Variants in CBL observed in about 807,000 individuals in gnomAD.
CBL encodes the protein E3 ubiquitin-protein ligase CBL.
Under a neutral mutation model 96.9 loss-of-function variants are expected in CBL, and 45 were observed. That is an observed-to-expected ratio of 0.46 (90% CI 0.37 to 0.60). CBL has a LOEUF of 0.60. Among genes scored for constraint, CBL ranks in the 20% least tolerant of loss-of-function variants. The probability of loss-of-function intolerance (pLI) is 0.00; values close to 1 mark genes in which losing one functional copy is unlikely to be tolerated. For missense variants in CBL, 1,024 were observed against 1,143.5 expected (o/e 0.90, Z 1.51); for synonymous variants, 420 against 426.8 (o/e 0.98, Z 0.20).
intron 1 of CBL, among the ~76,000 whole-genome samples, chr11:119,222,215 A>C (rs1386042403): frequency 6.6e-6 from 1 of 152,236 alleles, no homozygotes; most frequent in Non-Finnish European, 1.5e-5. Flanking sequence ...TTTCTGCCTA[A>C]TTAGAAACAC....
At chr11:119,211,604 A>G (rs1021060783) in intron 1 of CBL, among the ~76,000 whole-genome samples, 3 of 151,180 alleles carry the variant, frequency 2.0e-5, no homozygotes, top group Non-Finnish European at 4.4e-5. Flanking sequence ...CCTGGGTTCA[A>G]GCAATTCTCT....
Position 119,206,370 on chromosome 11 carries a change from G to GTCTCCC in CBL, c.-46_-45insTCCCTC. 7.1e-7 allele frequency: 1 copy of GTCTCCC among 1,413,028 alleles called. No homozygotes were observed. The highest frequency in any genetic ancestry group is 9.3e-7 in the Non-Finnish European group (1 of 1,069,876). 87.5% of individuals were successfully genotyped at this position (1,413,028 alleles called of 1,614,324 possible). On this transcript the variant is annotated 5_prime_UTR_variant, in exon 1 of 16. Coordinates refer to ENST00000264033, the MANE Select transcript of CBL (RefSeq NM_005188.4). Reference sequence around the variant, plus strand: ...GCCCTGCTTCTCTCCCTCGCTCGCAGTCGAGCCGAGCCGGCGGACCCGCCT... The same window carrying GTCTCCC: ...GCCCTGCTTCTCTCCCTCGCTCGCAGTCTCCCTCGAGCCGAGCCGGCGGACCCGCCT...
At chr11:119,210,578 G>A (rs1032781688) in intron 1 of CBL, among the ~76,000 whole-genome samples, 1 of 148,344 alleles carries the variant, frequency 6.7e-6, no homozygotes, top group East Asian at 2.0e-4. Flanking sequence ...ATAGGCATGC[G>A]CCACCACACC....
At chr11:119,239,096 A>G (rs1211829253) in intron 2 of CBL, among the ~76,000 whole-genome samples, 3 of 151,966 alleles carry the variant, frequency 2.0e-5, no homozygotes, top group Non-Finnish European at 4.4e-5. Context: ...CAGTCTCCCT[A>G]GTAGCTGGGA....
At chr11:119,232,805 G>A (rs1434377797) in intron 2 of CBL, 110 bp downstream of exon 2, 1 of 1,071,792 alleles carries the variant, frequency 9.3e-7, no homozygotes, top group Non-Finnish European at 1.4e-6. Context: ...GGAATGGAAA[G>A]TTGACATTTG....
Position 119,232,709 on chromosome 11 carries a change from A to T in CBL, c.443+14A>T. On this transcript the variant is annotated intron_variant, in intron 2 of 15. Coordinates refer to ENST00000264033, the MANE Select transcript of CBL (RefSeq NM_005188.4). The stretch of plus-strand genomic sequence containing the variant: ...TTCTCAGCCTAGGTAATGGAGAAAT[A>T]CTACACAAATAATTATGCAGGTCTG... The T allele has an allele frequency of 6.2e-7, 1 of 1,611,440 alleles. No homozygotes were observed. The highest frequency in any genetic ancestry group is 8.5e-7 in the Non-Finnish European group (1 of 1,179,224).
chr11:119,209,011 G>A (rs1187042414), intron 1 of CBL, among the ~76,000 whole-genome samples: 2 of 151,930 alleles, frequency 1.3e-5, no homozygotes, highest in Non-Finnish European at 2.9e-5. Flanking sequence ...TACTTGCCTC[G>A]GAAGTTGATT....
intron 2 of CBL, among the ~76,000 whole-genome samples, chr11:119,268,932 A>G (rs1172922919): frequency 6.6e-6 from 1 of 152,194 alleles, no homozygotes; most frequent in Non-Finnish European, 1.5e-5. Context: ...CTTCACACAC[A>G]TAGTAGGTTC....
chr11:119,229,923 T>C (rs1949488463), intron 1 of CBL, among the ~76,000 whole-genome samples: 1 of 151,726 alleles, frequency 6.6e-6, no homozygotes, highest in Admixed American at 6.6e-5. Flanking sequence ...TCATTAGTCA[T>C]TAAACAGGAA....
At chr11:119,245,110 G>T (rs2135275459) in intron 2 of CBL, among the ~76,000 whole-genome samples, 1 of 150,614 alleles carries the variant, frequency 6.6e-6, no homozygotes, top group Admixed American at 6.6e-5. Context: ...GGCCTCAAGT[G>T]ATTCTCCCAC....
At chr11:119,213,613 G>GT (rs1045262576) in intron 1 of CBL, among the ~76,000 whole-genome samples, 16 of 151,818 alleles carry the variant, frequency 1.1e-4, no homozygotes, top group African/African-American at 3.4e-4. Flanking sequence ...TTTTGGTTTT[G>GT]TTTTTTTTAA....
In CBL at chr11:119,307,392, T is replaced by G. The variant is rs149079120; in HGVS notation, c.*7611T>G. The stretch of plus-strand genomic sequence containing the variant: ...GAAGGGGAGGTTGGTGGCTTTGTCT[T>G]TTCTTTTTGCTGGATCCTGAACTGG... On this transcript the variant is annotated 3_prime_UTR_variant, in exon 16 of 16. Coordinates refer to ENST00000264033, the MANE Select transcript of CBL (RefSeq NM_005188.4). The G allele has an allele frequency of 8.6e-6, 2 of 233,158 alleles. No homozygotes were observed. The highest frequency in any genetic ancestry group is 1.7e-5 in the Non-Finnish European group (2 of 117,740). The allele number at this position is 233,158 out of a possible 1,614,324, so 14.4% of individuals were successfully genotyped here.
chr11:119,262,824 A>G (rs1403944942), intron 2 of CBL, among the ~76,000 whole-genome samples: 1 of 152,148 alleles, frequency 6.6e-6, no homozygotes, highest in Non-Finnish European at 1.5e-5. Context: ...TAGACTGGAG[A>G]GTCCTCCCCA....
In CBL at chr11:119,299,618, C is replaced by T; in HGVS notation, c.2558C>T (p.Ala853Val). 1 of 1,614,206 alleles carries T rather than the reference C, an allele frequency of 6.2e-7. No individual in the cohort carries two copies. ...GSGPAASAAT[A>V]SPQLSSEIEN... ...GGTCCTGCCGCCTCTGCTGCCACCGCCTCACCTCAGCTCTCCAGTGAGATC... is the reference window on the plus strand; with the variant it reads ...GGTCCTGCCGCCTCTGCTGCCACCGTCTCACCTCAGCTCTCCAGTGAGATC... The change falls in exon 16 of 16, where the codon GCC (alanine) becomes GTC (valine). Residue 853 changes from alanine (A) to valine (V), a missense_variant. This residue lies in a region of CBL where 695 missense variants were observed against 661.6 expected (regional missense o/e 1.05). Coordinates refer to ENST00000264033, the MANE Select transcript of CBL (RefSeq NM_005188.4).
Position 119,241,276 on chromosome 11 carries a change from TG to T in CBL, c.443+8582del, listed in dbSNP as rs544772717. Among the ~76,000 whole-genome samples the T allele has an allele frequency of 6.6e-5, 10 of 152,318 alleles. No individual in the cohort carries two copies. The South Asian group carries it at 1.9e-3, about 28-fold the overall frequency. ...TTTTGCCTTTGATCTTTCTGGGTTTTGCACCTGTTTTCATTTGTGTACAGGA... is the reference window on the plus strand; with the variant it reads ...TTTTGCCTTTGATCTTTCTGGGTTTTCACCTGTTTTCATTTGTGTACAGGA... On this transcript the variant is annotated intron_variant, in intron 2 of 15. Coordinates refer to ENST00000264033, the MANE Select transcript of CBL (RefSeq NM_005188.4).
chr11:119,298,201 C>T (rs546652776), intron 14 of CBL, among the ~76,000 whole-genome samples, 157 bp from the exon 15 acceptor site: 5 of 152,322 alleles, frequency 3.3e-5, no homozygotes, highest in African/African-American at 1.2e-4. Flanking sequence ...CTATTTTTAT[C>T]TCTGTTTACA....
rs78295830 is a variant in CBL, at chr11:119,228,826, T to G, written c.196-3622T>G. ...TCTCTCTCTCTCTCTTTTTTTTTTT[T>G]GGAGACGTGGTTTCGCTCTTGTCCC... On this transcript the variant is annotated intron_variant, in intron 1 of 15. Coordinates refer to ENST00000264033, the MANE Select transcript of CBL (RefSeq NM_005188.4). Among the ~76,000 whole-genome samples the G allele has an allele frequency of 5.2e-4, 78 of 150,428 alleles. 1 individual carries two copies. The East Asian group carries it at 0.012, about 23-fold the overall frequency.
At chr11:119,238,896 T>C (rs1268447757) in intron 2 of CBL, among the ~76,000 whole-genome samples, 1 of 152,208 alleles carries the variant, frequency 6.6e-6, no homozygotes, top group Admixed American at 6.5e-5. Flanking sequence ...TTTTGGGGAT[T>C]ACTGCCATCT....
intron 2 of CBL, among the ~76,000 whole-genome samples, chr11:119,252,884 G>GAA (rs760152540): frequency 2.9e-5 from 2 of 68,578 alleles, no homozygotes; most frequent in Non-Finnish European, 3.2e-5. Flanking sequence ...TCCATCTCAA[G>GAA]AAAAAAAAAA....
Sources: allele counts gnomAD v4.1 joint callset (sites outside exome capture counted in the v4.1 genomes callset), GRCh38; gene constraint gnomAD v4.1.1; regional missense constraint gnomAD v4.1.1; transcripts MANE v1.5; gene names NCBI Gene and HGNC (gene_info 2026-07-23, HGNC 2026-07-21).